LRP2: variants seen among roughly 807,000 people sequenced by gnomAD.
LRP2 encodes the protein LDL receptor related protein 2.
A neutral mutation model predicts 531.0 loss-of-function variants in LRP2; 172 were observed. That is an observed-to-expected ratio of 0.32 (90% CI 0.29 to 0.37). The LOEUF is 0.37. LRP2 is among the 10% of genes least tolerant of loss of function. The probability of loss-of-function intolerance (pLI) is 1.00; values close to 1 mark genes in which losing one functional copy is unlikely to be tolerated. For missense variants in LRP2, 5,167 were observed against 5,868.3 expected (o/e 0.88, Z 3.90); for synonymous variants, 1,992 against 2,027.6 (o/e 0.98, Z 0.47).
intron 21 of LRP2, among the ~76,000 whole-genome samples, chr2:169,246,442 A>G (rs895318198): frequency 1.4e-4 from 22 of 152,206 alleles, no homozygotes; most frequent in Non-Finnish European, 2.2e-4. Context: ...TTGCCAAGAC[A>G]TAATGACTGC....
Position 169,191,916 on chromosome 2 carries a change from T to A in LRP2, c.8948A>T (p.Asp2983Val). The change falls in exon 48 of 79, where the codon GAT becomes GTT. Residue 2983 changes from aspartate (D) to valine (V), a missense_variant. This residue lies in a region of LRP2 where 1,129 missense variants were observed against 1,362.7 expected (regional missense o/e 0.83). Transcript: ENST00000649046. ...TCTCCTGGTGCAATTCTGATTCTCA[T>A]CGTAGCCGTCAGTACAATCCACATC... ...DGDVDCTDGY[D>V]ENQNCTRRTC... 1 of 1,614,152 alleles carries A rather than the reference T, an allele frequency of 6.2e-7. No homozygotes were observed. The highest frequency in any genetic ancestry group is 1.3e-5 in the African/African-American group (1 of 75,030).
intron 47 of LRP2, among the ~76,000 whole-genome samples, 178 bp from the exon 48 acceptor site, chr2:169,192,211 T>C (rs1291508022): frequency 6.6e-6 from 1 of 152,206 alleles, no homozygotes; most frequent in African/African-American, 2.4e-5. Context: ...AAAGATTCCA[T>C]TTTAATTGCT....
chr2:169,129,326 T>C (rs373869327), intron 77 of LRP2, among the ~76,000 whole-genome samples: 2 of 152,220 alleles, frequency 1.3e-5, no homozygotes, highest in Admixed American at 6.5e-5. Context: ...TTCAAATTTA[T>C]ATATTATAGA....
Position 169,328,016 on chromosome 2 carries a change from G to C in LRP2, c.80-7132C>G, listed in dbSNP as rs1216470228. ...AGCCCCACGTCCGGGAGGGAGGTGG[G>C]GGGGGGTCAGCCCCCTGCCCGGCCA... On this transcript the variant is annotated intron_variant, in intron 1 of 78. Coordinates refer to ENST00000649046, the MANE Select transcript of LRP2 (RefSeq NM_004525.3). Among the ~76,000 whole-genome samples the C allele has an allele frequency of 1.5e-5, 2 of 136,682 alleles. 1 individual carries two copies. The highest frequency in any genetic ancestry group is 1.4e-4 in the Admixed American group (2 of 14,358). 89.7% of individuals were successfully genotyped at this position (136,682 alleles called of 152,430 possible).
intron 52 of LRP2, among the ~76,000 whole-genome samples, chr2:169,180,403 G>A (rs1206589857): frequency 1.3e-5 from 2 of 152,230 alleles, no homozygotes; most frequent in South Asian, 2.1e-4. Flanking sequence ...TACCCTAAGA[G>A]TGAGTTAATA....
chr2:169,176,588 A>G lies in LRP2; in HGVS notation c.10394T>C (p.Val3465Ala). ...HVYHPYRQPI[V>A]SNPCGTNNGG... ...ATTGTTGGTACCACAGGGATTGCTC[A>G]CTAGTGGAAAAGGAAGAAAATATGT... The change falls in exon 54 of 79, where the codon GTG becomes GCG. Residue 3465 changes from valine to alanine, a missense_variant and splice_region_variant. Coordinates refer to ENST00000649046, the MANE Select transcript of LRP2 (RefSeq NM_004525.3). 7 of 1,614,068 alleles carry G rather than the reference A, an allele frequency of 4.3e-6. No individual in the cohort carries two copies. Among genetic ancestry groups the G allele is most frequent in the Non-Finnish European group, 5.9e-6 (7 of 1,179,896 alleles).
intron 1 of LRP2, among the ~76,000 whole-genome samples, chr2:169,357,235 ACT>A (rs1686012185): frequency 7.4e-6 from 1 of 135,372 alleles, no homozygotes; most frequent in Non-Finnish European, 1.6e-5. Context: ...TCCATTCAAC[ACT>A]CTTTCATAAG....
intron 52 of LRP2, among the ~76,000 whole-genome samples, chr2:169,179,387 G>C (rs1434065795): frequency 6.6e-6 from 1 of 152,108 alleles, no homozygotes; most frequent in African/African-American, 2.4e-5. Context: ...AATCTCTGTA[G>C]AGAGATCTCA....
Position 169,201,850 on chromosome 2 carries a change from T to C in LRP2, c.8230A>G (p.Thr2744Ala). Reference sequence around the variant, plus strand: ...CGCCCATTGGCACAGGTGAAGGCTGTCGGTGAGCAGGTGTGAAGTGCTAAG... The same window carrying C: ...CGCCCATTGGCACAGGTGAAGGCTGCCGGTGAGCAGGTGTGAAGTGCTAAG... ...SVCALHTCSP[T>A]AFTCANGRCV... The change falls in exon 44 of 79, where the codon ACA becomes GCA. Residue 2744 changes from threonine (T) to alanine (A), a missense_variant. Physicochemically the swap from Thr to Ala is moderately conservative, Grantham distance 58. Transcript: ENST00000649046. 1 of 1,614,160 alleles carries C rather than the reference T, an allele frequency of 6.2e-7. No individual in the cohort carries two copies. The highest frequency in any genetic ancestry group is 1.3e-5 in the African/African-American group (1 of 75,048).
At position 169,236,017 on chromosome 2, in the gene LRP2, T is replaced by A. The variant is rs1347798617; in HGVS notation, c.4743A>T (p.Arg1581=). The change falls in exon 29 of 79, where the codon CGA becomes CGT. Residue 1581 remains arginine, a synonymous_variant. Coordinates refer to ENST00000649046, the MANE Select transcript of LRP2 (RefSeq NM_004525.3). The part of the protein sequence containing the change: ...SDWGHHPRIE[R]ASMDGSMRTV... Reference sequence around the variant, plus strand: ...TGCGCATGCTGCCGTCCATGCTGGCTCGCTCGATGCGAGGGTGGTGGCCCC... The same window carrying A: ...TGCGCATGCTGCCGTCCATGCTGGCACGCTCGATGCGAGGGTGGTGGCCCC... 6.8e-6 allele frequency: 11 copies of A among 1,614,202 alleles called. No individual in the cohort carries two copies. Among genetic ancestry groups the A allele is most frequent in the Non-Finnish European group, 9.3e-6 (11 of 1,180,030 alleles).
At chr2:169,311,204 G>A (rs1009720014) in intron 3 of LRP2, among the ~76,000 whole-genome samples, 2 of 152,118 alleles carry the variant, frequency 1.3e-5, no homozygotes, top group African/African-American at 4.8e-5. Context: ...ATCTCCTTCA[G>A]TTCTGCTCTG....
At chr2:169,224,983 C>T (rs1297414734) in intron 33 of LRP2, among the ~76,000 whole-genome samples, 1 of 151,838 alleles carries the variant, frequency 6.6e-6, no homozygotes, top group Non-Finnish European at 1.5e-5. Context: ...CCCAGCTACT[C>T]GGGTGGCTGA....
chr2:169,204,357 A>G (rs1291857616), intron 41 of LRP2, 86 bp from the exon 42 acceptor site: 2 of 1,251,646 alleles, frequency 1.6e-6, no homozygotes, highest in Admixed American at 1.7e-5. Context: ...GCGCCTCATC[A>G]TTGTTTACAC....
chr2:169,337,028 G>A (rs907681094), intron 1 of LRP2, among the ~76,000 whole-genome samples: 9 of 152,106 alleles, frequency 5.9e-5, no homozygotes, highest in Non-Finnish European at 8.8e-5. Context: ...CTAGTTAAAT[G>A]GTCCCACCTC....
At chr2:169,228,499 T>C (rs1376355861) in intron 31 of LRP2, among the ~76,000 whole-genome samples, 1 of 152,172 alleles carries the variant, frequency 6.6e-6, no homozygotes, top group East Asian at 1.9e-4. Context: ...TCCTGCCCTT[T>C]TGAATGGGTC....
intron 16 of LRP2, among the ~76,000 whole-genome samples, chr2:169,266,472 G>A (rs1351112554): frequency 6.6e-6 from 1 of 151,928 alleles, no homozygotes; most frequent in Admixed American, 6.6e-5. Context: ...CATTACTCTA[G>A]GTGTTTACAT....
chr2:169,218,466 T>G (rs940153988), intron 34 of LRP2, among the ~76,000 whole-genome samples: 3 of 152,146 alleles, frequency 2.0e-5, no homozygotes, highest in Admixed American at 6.6e-5. Context: ...TAATCTTATA[T>G]GAATCTGGGT....
At chr2:169,137,298 T>C in intron 76 of LRP2, 94 bp downstream of exon 76, 1 of 945,834 alleles carries the variant, frequency 1.1e-6, no homozygotes, top group South Asian at 1.3e-5. Flanking sequence ...TCCTTCCCTT[T>C]GGAGGGAAGG....
At chr2:169,132,515 C>T (rs541620435) in intron 77 of LRP2, 59 bp downstream of exon 77, 3 of 953,040 alleles carry the variant, frequency 3.1e-6, no homozygotes, top group South Asian at 2.6e-5. Flanking sequence ...TTAATAAAAA[C>T]CCAGTCATCC....
Sources: gnomAD v4.1 joint callset for allele counts (sites outside exome capture counted in the v4.1 genomes callset) on GRCh38, gnomAD v4.1.1 for gene constraint, gnomAD v4.1.1 regional missense constraint, MANE v1.5 for transcripts, NCBI Gene and HGNC (gene_info 2026-07-23, HGNC 2026-07-21) for gene names.